GOSR1: variants seen among roughly 807,000 people sequenced by gnomAD.
GOSR1 encodes 28 kDa Golgi SNARE protein.
In GOSR1, 21 loss-of-function variants were observed where a neutral mutation model predicts 35.5. The observed-to-expected ratio is 0.59, with a 90% CI of 0.42 to 0.85. The LOEUF (loss-of-function observed/expected upper bound fraction) is 0.85, where lower values mean the gene tolerates loss of function less well. Among genes scored for constraint, GOSR1 ranks in the 40% least tolerant of loss-of-function variants. GOSR1 has a pLI of 0.00. For synonymous variants in GOSR1, 94 were observed against 106.6 expected (o/e 0.88, Z 0.73); for missense variants, 285 against 309.6 (o/e 0.92, Z 0.60).
Position 30,484,702 on chromosome 17 carries a change from A to G in GOSR1, c.274A>G (p.Ser92Gly), listed in dbSNP as rs1914568064. 2 of 1,585,226 alleles carry G rather than the reference A, an allele frequency of 1.3e-6. No homozygotes were observed. The highest frequency in any genetic ancestry group is 1.8e-5 in the Admixed American group (1 of 56,116). The change falls in exon 4 of 9, where the codon AGT (serine) becomes GGT (glycine). Residue 92 changes from serine (S) to glycine (G), a missense_variant. Ser to Gly is a moderately conservative substitution (Grantham distance 56). Transcript: ENST00000451249. ...TGATAAAATGGCAGAATATACCAAC[A>G]GTGCAGGTGTCCCCTCCTTGAATGC... ...VNDKMAEYTN[S>G]AGVPSLNAAL...
In GOSR1 at chr17:30,525,485, CTT is replaced by C. The variant is rs775103280; in HGVS notation, c.*3110_*3111del. The C allele has an allele frequency of 5.3e-5, 8 of 152,086 alleles. No individual in the cohort carries two copies. The highest frequency in any genetic ancestry group is 8.8e-5 in the Non-Finnish European group (6 of 68,002). 9.4% of individuals were successfully genotyped at this position (152,086 alleles called of 1,614,324 possible). ...TAAATTCTCTGTTGGGAGAACAAAA[CTT>C]TTCTCCCTTGACACTTTATTATCTT... On this transcript the variant is annotated 3_prime_UTR_variant, in exon 9 of 9. Transcript: ENST00000451249.
At chr17:30,511,660 G>A (rs1967617802) in intron 7 of GOSR1, among the ~76,000 whole-genome samples, 2 of 151,996 alleles carry the variant, frequency 1.3e-5, no homozygotes, top group South Asian at 4.2e-4. Flanking sequence ...CTCCTGAGTA[G>A]CTGGGATTTC....
At chr17:30,516,009 A>G (rs1353594288) in intron 7 of GOSR1, among the ~76,000 whole-genome samples, 1 of 152,182 alleles carries the variant, frequency 6.6e-6, no homozygotes, top group Non-Finnish European at 1.5e-5. Flanking sequence ...TCCAAATCCT[A>G]GTGTGTCCAT....
intron 7 of GOSR1, among the ~76,000 whole-genome samples, chr17:30,516,055 G>A (rs992121504): frequency 1.3e-5 from 2 of 152,078 alleles, no homozygotes; most frequent in African/African-American, 2.4e-5. Context: ...GTTATTTAAC[G>A]TTTCTTAATC....
chr17:30,490,984 T>G (rs1424820881), intron 5 of GOSR1, among the ~76,000 whole-genome samples: 1 of 152,228 alleles, frequency 6.6e-6, no homozygotes, highest in Non-Finnish European at 1.5e-5. Flanking sequence ...TTTTATAAAC[T>G]ATGATACACA....
chr17:30,518,297 G>A (rs1055830983), intron 7 of GOSR1, among the ~76,000 whole-genome samples: 4 of 152,062 alleles, frequency 2.6e-5, no homozygotes, highest in African/African-American at 9.7e-5. Flanking sequence ...GAGATCTCAA[G>A]GGAACTTGGG....
intron 7 of GOSR1, among the ~76,000 whole-genome samples, chr17:30,513,587 G>A (rs2143870939): frequency 6.6e-6 from 1 of 152,294 alleles, no homozygotes; most frequent in Admixed American, 6.5e-5. Flanking sequence ...GTGCTTTGCA[G>A]AAATTATTTT....
At chr17:30,522,142 C>T (rs929805199) in intron 8 of GOSR1, 112 bp from the exon 9 acceptor site, 54 of 826,034 alleles carry the variant, frequency 6.5e-5, no homozygotes, top group South Asian at 4.3e-4. Context: ...GTTTCTTCCC[C>T]ATGCCTTTCA....
chr17:30,510,167 G>A (rs967671410), intron 6 of GOSR1, among the ~76,000 whole-genome samples: 2 of 151,962 alleles, frequency 1.3e-5, no homozygotes, highest in Non-Finnish European at 2.9e-5. Context: ...TATGCCTCCC[G>A]GGTTCAAGCA....
intron 7 of GOSR1, among the ~76,000 whole-genome samples, chr17:30,519,149 C>A (rs183909063): frequency 1.3e-5 from 2 of 152,136 alleles, no homozygotes; most frequent in Admixed American, 6.5e-5. Flanking sequence ...TAGCCCCCCC[C>A]TCCTGGGCTC....
chr17:30,492,995 T>A (rs984554843), intron 6 of GOSR1, among the ~76,000 whole-genome samples: 9 of 151,792 alleles, frequency 5.9e-5, no homozygotes, highest in African/African-American at 9.7e-5. Context: ...GGTTGTTATT[T>A]TTTTTTTTTT....
chr17:30,522,191 T>C, intron 8 of GOSR1, 63 bp from the exon 9 acceptor site: 2 of 1,415,006 alleles, frequency 1.4e-6, no homozygotes, highest in East Asian at 2.4e-5. Flanking sequence ...ATTTTTGTGA[T>C]TCCTACGACT....
At chr17:30,505,523 C>G (rs183833521) in intron 6 of GOSR1, among the ~76,000 whole-genome samples, 1 of 152,170 alleles carries the variant, frequency 6.6e-6, no homozygotes, top group African/African-American at 2.4e-5. Flanking sequence ...AACCCTGTGT[C>G]GAGGAAGTCT....
intron 6 of GOSR1, among the ~76,000 whole-genome samples, chr17:30,507,011 T>G (rs1170710560): frequency 1.3e-5 from 2 of 152,182 alleles, no homozygotes; most frequent in Non-Finnish European, 2.9e-5. Flanking sequence ...AAAAAAAGAA[T>G]TATTTCAAAA....
intron 6 of GOSR1, among the ~76,000 whole-genome samples, chr17:30,496,069 G>A (rs1027830668): frequency 6.6e-6 from 1 of 152,012 alleles, no homozygotes; most frequent in African/African-American, 2.4e-5. Flanking sequence ...AGATTTTTAA[G>A]GTTTTGATCT....
rs1370111658 is a variant in GOSR1 at position 30,484,199 on chromosome 17, T to C, written c.147-15T>C. ...ATTTGAGTAATGGATCCTCTTTAAC[T>C]GAACTTCTTTTTAGTTCTGATACAA... On this transcript the variant is annotated splice_polypyrimidine_tract_variant and intron_variant, in intron 2 of 8. Coordinates refer to ENST00000451249, the MANE Select transcript of GOSR1 (RefSeq NM_001007025.2). 1 of 1,421,224 alleles carries C rather than the reference T, an allele frequency of 7.0e-7. No homozygotes were observed. Among genetic ancestry groups the C allele is most frequent in the Non-Finnish European group, 1.0e-6 (1 of 1,004,288 alleles). The allele number at this position is 1,421,224 out of a possible 1,614,324, so 88.0% of individuals were successfully genotyped here.
intron 2 of GOSR1, among the ~76,000 whole-genome samples, chr17:30,482,263 T>C (rs1361987180): frequency 1.3e-5 from 2 of 152,150 alleles, no homozygotes; most frequent in African/African-American, 4.8e-5. Flanking sequence ...TATGGATTCA[T>C]TTAACTCTGG....
intron 6 of GOSR1, among the ~76,000 whole-genome samples, chr17:30,503,653 C>G (rs1040634704): frequency 6.6e-6 from 1 of 152,136 alleles, no homozygotes; most frequent in African/African-American, 2.4e-5. Flanking sequence ...GAGTAAAGAC[C>G]TGGAGACTGG....
At position 30,520,035 on chromosome 17, in the gene GOSR1, A is replaced by T; in HGVS notation, c.622+14A>T. On this transcript the variant is annotated intron_variant, in intron 8 of 8. Transcript: ENST00000451249. ...ACACTTTGGCCAGTATCCTTTTTGA[A>T]TGTTCGCAGTCTGTGTTTTGAGGGT... 1 of 1,520,646 alleles carries T rather than the reference A, an allele frequency of 6.6e-7. No individual in the cohort carries two copies. The highest frequency in any genetic ancestry group is 2.3e-5 in the East Asian group (1 of 44,370). The allele number at this position is 1,520,646 out of a possible 1,614,324, so 94.2% of individuals were successfully genotyped here.
Sources: allele counts gnomAD v4.1 joint callset (sites outside exome capture counted in the v4.1 genomes callset), GRCh38; gene constraint gnomAD v4.1.1; transcripts MANE v1.5; gene names NCBI Gene and HGNC (gene_info 2026-07-23, HGNC 2026-07-21).